CCDC30: variants seen among roughly 807,000 people sequenced by gnomAD.
CCDC30 encodes coiled-coil domain containing 30.
CCDC30 carries 70 observed loss-of-function variants against 100.2 expected under a neutral mutation model. The ratio of observed to expected loss-of-function variants is 0.70; its 90% CI spans 0.58 to 0.85. The LOEUF (loss-of-function observed/expected upper bound fraction) is 0.85. Ranked by LOEUF, CCDC30 falls within the 40% of genes least tolerant of loss-of-function variation. The probability of loss-of-function intolerance (pLI) is 0.00; values close to 1 mark genes in which losing one functional copy is unlikely to be tolerated. For synonymous variants in CCDC30, 233 were observed against 269.5 expected (o/e 0.86, Z 1.33); for missense variants, 652 against 771.2 (o/e 0.85, Z 1.83).
intron 4 of CCDC30, among the ~76,000 whole-genome samples, chr1:42,493,325 C>T (rs552086981): frequency 6.6e-6 from 1 of 152,194 alleles, no homozygotes. Flanking sequence ...CGCAGTGGCT[C>T]ACGCCTGTAA....
intron 11 of CCDC30, among the ~76,000 whole-genome samples, chr1:42,618,033 A>G (rs932778561): frequency 3.9e-5 from 6 of 152,192 alleles, no homozygotes; most frequent in Non-Finnish European, 5.9e-5. Context: ...TAGTTAGGTC[A>G]GATCTCTTTC....
At chr1:42,527,770 T>C (rs147120118) in intron 6 of CCDC30, among the ~76,000 whole-genome samples, 1 of 152,318 alleles carries the variant, frequency 6.6e-6, no homozygotes, top group East Asian at 1.9e-4. Context: ...GTATTGCTCC[T>C]TCCTGTGGTG....
chr1:42,641,215 TTG>T (rs71065188), intron 12 of CCDC30, among the ~76,000 whole-genome samples: 24,292 of 132,032 alleles, frequency 0.18, 2,119 homozygotes, highest in East Asian at 0.35. Flanking sequence ...CACATGGCTT[TTG>T]TGTGTGTGTG....
chr1:42,486,179 A>G (rs978136249), intron 3 of CCDC30, among the ~76,000 whole-genome samples: 1 of 152,236 alleles, frequency 6.6e-6, no homozygotes, highest in Non-Finnish European at 1.5e-5. Context: ...GTAAATGTTC[A>G]TAACAATATT....
chr1:42,541,930 C>A (rs1450405062), intron 6 of CCDC30, among the ~76,000 whole-genome samples: 5 of 152,176 alleles, frequency 3.3e-5, no homozygotes, highest in Non-Finnish European at 7.4e-5. Context: ...TGTAGACCAA[C>A]TCCTTCAGTT....
chr1:42,512,439 AC>A (rs1395961373), intron 6 of CCDC30, among the ~76,000 whole-genome samples: 7 of 152,232 alleles, frequency 4.6e-5, no homozygotes, highest in African/African-American at 1.4e-4. Context: ...GAGTGACCTC[AC>A]TGTGGCGGGT....
At position 42,644,682 on chromosome 1, in the gene CCDC30, G is replaced by A; in HGVS notation, c.1557-11G>A. 1.4e-6 allele frequency: 2 copies of A among 1,478,030 alleles called. No homozygotes were observed. Among genetic ancestry groups the A allele is most frequent in the Non-Finnish European group, 9.5e-7 (1 of 1,057,694 alleles). The allele number at this position is 1,478,030 out of a possible 1,614,324, so 91.6% of individuals were successfully genotyped here. ...ATCTCTAATCATGCCACTGATTTAT[G>A]CCATTCTTAGGGTACTTTACATGGA... On this transcript the variant is annotated splice_polypyrimidine_tract_variant and intron_variant, in intron 13 of 16. Coordinates refer to ENST00000668663, the Ensembl canonical transcript of CCDC30.
At chr1:42,461,616 G>A (rs983943843), upstream of CCDC30, among the ~76,000 whole-genome samples, 1 of 148,940 alleles carries the variant, frequency 6.7e-6, no homozygotes, top group Non-Finnish European at 1.5e-5. Flanking sequence ...GCACAATCTC[G>A]GCTCACTGCA....
chr1:42,506,242 C>G lies in CCDC30; in HGVS notation c.456+7326C>G, dbSNP rs537153316. On this transcript the variant is annotated intron_variant, in intron 6 of 16. Coordinates refer to ENST00000668663, the Ensembl canonical transcript of CCDC30. ...CAGACTTCTTTTAGTGTAGTTCATG[C>G]AGTTATCTCCTGTTTGATATTCATG... is the stretch of plus-strand genomic sequence containing the variant. Among the ~76,000 whole-genome samples the G allele has an allele frequency of 9.8e-5, 15 of 152,318 alleles. No homozygotes were observed. In the South Asian group the frequency reaches 3.1e-3, roughly 32 times the overall value.
At chr1:42,529,127 GA>G (rs1644769367) in intron 6 of CCDC30, among the ~76,000 whole-genome samples, 1 of 152,114 alleles carries the variant, frequency 6.6e-6, no homozygotes, top group East Asian at 1.9e-4. Flanking sequence ...TTGGACTAAT[GA>G]ACACTGTAAA....
At chr1:42,465,710 CT>C (rs1488171242) in intron 1 of CCDC30, among the ~76,000 whole-genome samples, 7 of 152,152 alleles carry the variant, frequency 4.6e-5, no homozygotes, top group African/African-American at 1.4e-4. Flanking sequence ...GTTTTGCCCC[CT>C]GTGAGACATT....
At chr1:42,584,291 C>T (rs2762689) in intron 9 of CCDC30, among the ~76,000 whole-genome samples, 149,203 of 152,322 alleles carry the variant, frequency 0.98, 73,142 homozygotes, top group East Asian at 1. Context: ...ATAGTTAATT[C>T]TATTTAGTTT....
At chr1:42,587,979 C>G (rs1013944106) in intron 9 of CCDC30, among the ~76,000 whole-genome samples, 1 of 152,108 alleles carries the variant, frequency 6.6e-6, no homozygotes, top group Non-Finnish European at 1.5e-5. Flanking sequence ...AATGGGAGAT[C>G]AGTCTCAAAT....
Position 42,470,144 on chromosome 1 carries a change from G to A in CCDC30, c.-92+6246G>A, listed in dbSNP as rs150228479. Among the ~76,000 whole-genome samples the A allele has an allele frequency of 5.3e-5, 8 of 152,318 alleles. No homozygotes were observed. The East Asian group carries it at 1.4e-3, about 26-fold the overall frequency. On this transcript the variant is annotated intron_variant, in intron 1 of 16. Coordinates refer to ENST00000668663, the Ensembl canonical transcript of CCDC30. ...AAGGATTGAAATGATCAACAGTTGG[G>A]TTTAGGCTTGAGGGGCAAACAAGTG... is the stretch of plus-strand genomic sequence containing the variant.
chr1:42,456,245 A>T, the CCDC30 span: 1 of 605,848 alleles, frequency 1.7e-6, no homozygotes, highest in African/African-American at 1.9e-5. Context: ...CAAGGAGTCC[A>T]AGTCCAGAAA....
chr1:42,648,870 C>A (rs1177809445), intron 15 of CCDC30, among the ~76,000 whole-genome samples: 2 of 151,628 alleles, frequency 1.3e-5, no homozygotes, highest in Admixed American at 1.3e-4. Context: ...GGAGACATAA[C>A]AACTGAGATC....
chr1:42,540,849 T>C lies in CCDC30; in HGVS notation c.457-25447T>C, dbSNP rs142378872. ...ACATTGACACAATACCATTATCTAA[T>C]CTATAGCTCGTATTCAGATTTTATT... On this transcript the variant is annotated intron_variant, in intron 6 of 16. Transcript: ENST00000668663. Among the ~76,000 whole-genome samples, 307 of 152,304 alleles carry C rather than the reference T, an allele frequency of 2.0e-3. 2 individuals carry two copies. Among genetic ancestry groups the C allele is most frequent in the African/African-American group, 7.1e-3 (296 of 41,558 alleles).
At chr1:42,649,984 C>T (rs773396016) in intron 15 of CCDC30, among the ~76,000 whole-genome samples, 10 of 152,020 alleles carry the variant, frequency 6.6e-5, no homozygotes, top group Non-Finnish European at 1.2e-4. Context: ...GTTCATGAAT[C>T]GAAAGAATTA....
rs575210923 is a variant in CCDC30 at position 42,552,607 on chromosome 1, T to A, written c.457-13689T>A. ...AAAATATACTTTAAATGGAAAAATTTTAAAAAAAATTATTTTGAGGTAATT... is the reference window on the plus strand; with the variant it reads ...AAAATATACTTTAAATGGAAAAATTATAAAAAAAATTATTTTGAGGTAATT... On this transcript the variant is annotated intron_variant, in intron 6 of 16. Coordinates refer to ENST00000668663, the Ensembl canonical transcript of CCDC30. Among the ~76,000 whole-genome samples the A allele has an allele frequency of 1.4e-3, 201 of 148,334 alleles. 1 individual carries two copies. The highest frequency in any genetic ancestry group is 4.7e-3 in the African/African-American group (193 of 40,952).
Sources: gnomAD v4.1 joint callset for allele counts (sites outside exome capture counted in the v4.1 genomes callset) on GRCh38, gnomAD v4.1.1 for gene constraint, MANE v1.5 for transcripts, NCBI Gene and HGNC (gene_info 2026-07-23, HGNC 2026-07-21) for gene names.